C1QL1: variants seen among roughly 807,000 people sequenced by gnomAD.
C1QL1 encodes complement C1q like 1, also known as C1q-related factor.
A neutral mutation model predicts 14.2 loss-of-function variants in C1QL1; 15 were observed. That is an observed-to-expected ratio of 1.06 (90% CI 0.71 to 1.62). The LOEUF (loss-of-function observed/expected upper bound fraction) is 1.62, where lower values mean the gene tolerates loss of function less well. Ranked by LOEUF, C1QL1 falls within the 40% of genes most tolerant of loss-of-function variation. The pLI is 0.00. For synonymous variants in C1QL1, 172 were observed against 172.4 expected, an observed-to-expected ratio of 1.00 and a Z score of 0.02; for missense variants, 346 against 380.3, an observed-to-expected ratio of 0.91 and a Z score of 0.75.
Position 44,961,983 on chromosome 17 carries a change from T to C in C1QL1, c.598-1616A>G, listed in dbSNP as rs2052630428. The stretch of plus-strand genomic sequence containing the variant: ...TCTACAGACATTCAGCTAACAGGTA[T>C]GGAAACATAAGTCCTGAGTTTGAGG... On this transcript the variant is annotated intron_variant, in intron 1 of 1. Transcript: ENST00000253407. 1.3e-5 allele frequency among the ~76,000 whole-genome samples: 2 copies of C among 151,174 alleles called. 1 individual carries two copies. The highest frequency in any genetic ancestry group is 4.2e-4 in the South Asian group (2 of 4,796).
chr17:44,961,352 G>A (rs2052625988), intron 1 of C1QL1, among the ~76,000 whole-genome samples: 2 of 152,306 alleles, frequency 1.3e-5, no homozygotes, highest in South Asian at 2.1e-4. Context: ...CAGCACTTTG[G>A]GAGGCCCAGG....
In C1QL1 at chr17:44,959,747, G is replaced by C. The variant is rs900957420; in HGVS notation, c.*441C>G. 2.9e-5 allele frequency: 5 copies of C among 170,330 alleles called. No homozygotes were observed. The highest frequency in any genetic ancestry group is 1.2e-4 in the African/African-American group (5 of 41,712). 10.6% of individuals were successfully genotyped at this position (170,330 alleles called of 1,614,324 possible). On this transcript the variant is annotated 3_prime_UTR_variant, in exon 2 of 2. Transcript: ENST00000253407. ...TTGGTCAGACGGGGCACAGCCGGGCGGGGGCTCTGAGGGTGCTGGGAAGCT... is the reference window on the plus strand; with the variant it reads ...TTGGTCAGACGGGGCACAGCCGGGCCGGGGCTCTGAGGGTGCTGGGAAGCT...
At chr17:44,960,603 G>T (rs2052622631) in intron 1 of C1QL1, among the ~76,000 whole-genome samples, 1 of 152,180 alleles carries the variant, frequency 6.6e-6, no homozygotes. Context: ...GGCCTGAATT[G>T]GGAGTCAAGG....
At chr17:44,960,480 C>G in intron 1 of C1QL1, 113 bp from the exon 2 acceptor site, 1 of 713,230 alleles carries the variant, frequency 1.4e-6, no homozygotes, top group South Asian at 1.7e-5. Flanking sequence ...TGGCCTCCAG[C>G]CTCGCCTCAT....
At chr17:44,966,622 C>A (rs2052658391) in intron 1 of C1QL1, among the ~76,000 whole-genome samples, 1 of 152,102 alleles carries the variant, frequency 6.6e-6, no homozygotes. Flanking sequence ...GTACCAGAGT[C>A]CCCGACACAC....
At chr17:44,961,591 C>CAAA (rs11447802) in intron 1 of C1QL1, among the ~76,000 whole-genome samples, 224 of 127,766 alleles carry the variant, frequency 1.8e-3, no homozygotes, top group African/African-American at 5.7e-3. Flanking sequence ...GACTCAGTCT[C>CAAA]AAAAAAAAAA....
In C1QL1 at chr17:44,960,071, G is replaced by A. The variant is rs1421006483; in HGVS notation, c.*117C>T. ...GCGGTGTTGAGCACGGGCCGGGGGC[G>A]TCATAGCCGGGGAGGGCCGGGCAGC... On this transcript the variant is annotated 3_prime_UTR_variant, in exon 2 of 2. Coordinates refer to ENST00000253407, the MANE Select transcript of C1QL1 (RefSeq NM_006688.5). The A allele has an allele frequency of 4.3e-6, 4 of 923,002 alleles. No individual in the cohort carries two copies. In the Admixed American group the frequency reaches 5.6e-5, roughly 13 times the overall value. The allele number at this position is 923,002 out of a possible 1,614,324, so 57.2% of individuals were successfully genotyped here.
In C1QL1 at chr17:44,968,184, A is replaced by T; in HGVS notation, c.-136T>A. On this transcript the variant is annotated 5_prime_UTR_variant, in exon 1 of 2. Coordinates refer to ENST00000253407, the MANE Select transcript of C1QL1 (RefSeq NM_006688.5). Reference sequence around the variant, plus strand: ...GCGGGCTAGGCGCCCGCGCTCAAGGACGGTCCGGCGGGGCTGCGGGCATGG... The same window carrying T: ...GCGGGCTAGGCGCCCGCGCTCAAGGTCGGTCCGGCGGGGCTGCGGGCATGG... 1 of 278,214 alleles carries T rather than the reference A, an allele frequency of 3.6e-6. No homozygotes were observed. Among genetic ancestry groups the T allele is most frequent in the Non-Finnish European group, 5.8e-6 (1 of 173,822 alleles). 17.2% of individuals were successfully genotyped at this position (278,214 alleles called of 1,614,324 possible). A position where few individuals can be genotyped will look rare whatever the true frequency, so the allele number is the denominator to read the frequency against.
rs772027198 is a variant in C1QL1 at position 44,967,786 on chromosome 17, C to G, written c.263G>C (p.Gly88Ala). 16 of 1,486,562 alleles carry G rather than the reference C, an allele frequency of 1.1e-5. No individual in the cohort carries two copies. Among genetic ancestry groups the G allele is most frequent in the Non-Finnish European group, 1.4e-5 (16 of 1,130,356 alleles). 92.1% of individuals were successfully genotyped at this position (1,486,562 alleles called of 1,614,324 possible). A position where few individuals can be genotyped will look rare whatever the true frequency, so the allele number is the denominator to read the frequency against. Residue 88 changes from glycine to alanine, a missense_variant, in exon 1 of 2, where the codon GGT becomes GCT. By Grantham distance (60) the Gly-to-Ala change is moderately conservative. Transcript: ENST00000253407. The surrounding 1 kb of genome is among the most constrained non-coding windows in gnomAD (Gnocchi z 7.0). ...PGPPGPPGDP[G>A]PPGPVGPPGE... is the part of the protein sequence containing the mutation. ...CGGCGGCCCCACAGGGCCGGGAGGACCTGGGTCCCCGGGAGGCCCCGGAGG... is the reference window on the plus strand; with the variant it reads ...CGGCGGCCCCACAGGGCCGGGAGGAGCTGGGTCCCCGGGAGGCCCCGGAGG...
rs1270325915 is a variant in C1QL1, at chr17:44,961,908, AAAAG to A, written c.598-1545_598-1542del. On this transcript the variant is annotated intron_variant, in intron 1 of 1. Transcript: ENST00000253407. ...ACTCCGTCTCAAAAAAAAAAAAAAA[AAAAG>A]AGAGAGAGAGAGAGAGAGAGAGATT... 1.0e-2 allele frequency among the ~76,000 whole-genome samples: 1,378 copies of A among 138,448 alleles called. 7 individuals carry two copies. Among genetic ancestry groups the A allele is most frequent in the African/African-American group, 0.034 (1,240 of 36,612 alleles). 90.8% of individuals were successfully genotyped at this position (138,448 alleles called of 152,430 possible). A position where few individuals can be genotyped will look rare whatever the true frequency, so the allele number is the denominator to read the frequency against.
At chr17:44,963,692 C>T (rs1364857579) in intron 1 of C1QL1, among the ~76,000 whole-genome samples, 2 of 152,196 alleles carry the variant, frequency 1.3e-5, no homozygotes, top group Non-Finnish European at 2.9e-5. Flanking sequence ...TCCCAAAGTG[C>T]TGGGATTACA....
chr17:44,963,873 C>A (rs1262346604), intron 1 of C1QL1, among the ~76,000 whole-genome samples: 2 of 152,204 alleles, frequency 1.3e-5, no homozygotes, highest in Admixed American at 6.5e-5. Context: ...TGACCACAGG[C>A]CCTGGCACAT....
intron 1 of C1QL1, among the ~76,000 whole-genome samples, chr17:44,966,902 G>T (rs1434721281): frequency 6.6e-6 from 1 of 152,090 alleles, no homozygotes; most frequent in African/African-American, 2.4e-5. Context: ...TTCGCCCAAT[G>T]GTCCCTTCTC....
At position 44,967,402 on chromosome 17, in the gene C1QL1, T is replaced by A; in HGVS notation, c.597+50A>T. 6.4e-7 allele frequency: 1 copy of A among 1,572,980 alleles called. No homozygotes were observed. The highest frequency in any genetic ancestry group is 8.7e-7 in the Non-Finnish European group (1 of 1,154,286). ...GATCAGGTACCCATTTGCCCCGGGC[T>A]CCCTGGGTGCCCTGGGCCCAGCCCA... is the stretch of plus-strand genomic sequence containing the variant. On this transcript the variant is annotated intron_variant, in intron 1 of 1. Transcript: ENST00000253407. This position sits in a 1 kb window ranked among gnomAD's most constrained non-coding sequence, Gnocchi z 7.0.
chr17:44,966,820 C>G (rs969960706), intron 1 of C1QL1, among the ~76,000 whole-genome samples: 24 of 146,154 alleles, frequency 1.6e-4, no homozygotes, highest in Non-Finnish European at 2.0e-4. Flanking sequence ...CCCAGACTGC[C>G]TTCTTTTTGG....
rs997734654 is a variant in C1QL1, at chr17:44,966,108, A to T, written c.597+1344T>A. On this transcript the variant is annotated intron_variant, in intron 1 of 1. Transcript: ENST00000253407. Reference sequence around the variant, plus strand: ...CCAGGGAGAGATGGAAAAGGCAGACACAGGAGAGAGATGGACAAGAAACAG... The same window carrying T: ...CCAGGGAGAGATGGAAAAGGCAGACTCAGGAGAGAGATGGACAAGAAACAG... 2.6e-5 allele frequency among the ~76,000 whole-genome samples: 4 copies of T among 152,220 alleles called. No individual in the cohort carries two copies. In the East Asian group the frequency reaches 7.7e-4, roughly 29 times the overall value.
chr17:44,967,992 T>C lies in C1QL1; in HGVS notation c.57A>G (p.Glu19=). 7.2e-7 allele frequency: 1 copy of C among 1,384,196 alleles called. No homozygotes were observed. Among genetic ancestry groups the C allele is most frequent in the Non-Finnish European group, 9.4e-7 (1 of 1,065,380 alleles). The allele number at this position is 1,384,196 out of a possible 1,614,324, so 85.7% of individuals were successfully genotyped here. The change falls in exon 1 of 2, where the codon GAA becomes GAG. Residue 19 remains glutamate (E), a synonymous_variant. Transcript: ENST00000253407. The surrounding 1 kb of genome is among the most constrained non-coding windows in gnomAD (Gnocchi z 7.0). Reference sequence around the variant, plus strand: ...AGGTGCCCAGCATCTCATAGTGGCCTTCCGGGCCGCCCGAGCTCACCAGCA... The same window carrying C: ...AGGTGCCCAGCATCTCATAGTGGCCCTCCGGGCCGCCCGAGCTCACCAGCA... The part of the protein sequence containing the change: ...IPVLVSSGGP[E]GHYEMLGTCR...
At chr17:44,963,360 T>C (rs375354966) in intron 1 of C1QL1, among the ~76,000 whole-genome samples, 2 of 151,074 alleles carry the variant, frequency 1.3e-5, no homozygotes, top group East Asian at 3.9e-4. Flanking sequence ...TGAAAGGTAT[T>C]AGGGGCCAGA....
At position 44,967,757 on chromosome 17, in the gene C1QL1, C is replaced by A; in HGVS notation, c.292G>T (p.Glu98Ter). 6.4e-7 allele frequency: 1 copy of A among 1,567,584 alleles called. No homozygotes were observed. The highest frequency in any genetic ancestry group is 8.6e-7 in the Non-Finnish European group (1 of 1,160,746). ...CCCGGCTTGCCTGGCTCACCCTTCTCCCCCGGCGGCCCCACAGGGCCGGGA... is the reference window on the plus strand; with the variant it reads ...CCCGGCTTGCCTGGCTCACCCTTCTACCCCGGCGGCCCCACAGGGCCGGGA... ...GPPGPVGPPG[E>*]KGEPGKPGPP... The change falls in exon 1 of 2, where the codon GAG becomes TAG. Residue 98 changes from glutamate (E) to a stop codon, truncating the protein, a stop_gained. Transcript: ENST00000253407. LOFTEE classifies it high-confidence loss of function. The surrounding 1 kb of genome is among the most constrained non-coding windows in gnomAD (Gnocchi z 7.0).
Sources: gnomAD v4.1 joint callset for allele counts (sites outside exome capture counted in the v4.1 genomes callset) on GRCh38, gnomAD v4.1.1 for gene constraint, Gnocchi (gnomAD v3.1) non-coding constraint, MANE v1.5 for transcripts, NCBI Gene and HGNC (gene_info 2026-07-23, HGNC 2026-07-21) for gene names.